VSNL1: variants seen among roughly 807,000 people sequenced by gnomAD.
VSNL1 encodes visinin like 1, also known as visinin-like protein 1.
Under a neutral mutation model 20.4 loss-of-function variants are expected in VSNL1, and 6 were observed. The observed-to-expected ratio is 0.29, with a 90% CI of 0.16 to 0.58. The LOEUF (loss-of-function observed/expected upper bound fraction) is 0.58, where lower values mean the gene tolerates loss of function less well. VSNL1 is among the 20% of genes least tolerant of loss of function. The pLI, the probability that VSNL1 is intolerant of heterozygous loss-of-function variation, is 0.90. For synonymous variants in VSNL1, 93 were observed against 86.4 expected, an observed-to-expected ratio of 1.08 and a Z score of -0.42; for missense variants, 100 against 234.5, an observed-to-expected ratio of 0.43 and a Z score of 3.75.
intron 2 of VSNL1, among the ~76,000 whole-genome samples, chr2:17,647,150 A>G (rs1666016302): frequency 6.6e-6 from 1 of 152,212 alleles, no homozygotes; most frequent in Admixed American, 6.5e-5. Flanking sequence ...TTTTAGACCT[A>G]AATTAATTTT....
chr2:17,563,563 GA>G (rs574799572), intron 1 of VSNL1, among the ~76,000 whole-genome samples: 16 of 148,756 alleles, frequency 1.1e-4, no homozygotes, highest in Middle Eastern at 3.4e-3. Context: ...AAGTCCTTTT[GA>G]AAAAAAAAAT....
At chr2:17,578,191 A>T (rs1664262104) in intron 1 of VSNL1, among the ~76,000 whole-genome samples, 1 of 152,178 alleles carries the variant, frequency 6.6e-6, no homozygotes. Context: ...TTCCCTTCCC[A>T]GCTAGTAGAT....
chr2:17,647,077 CT>C (rs1456047603), intron 2 of VSNL1, among the ~76,000 whole-genome samples: 1 of 152,150 alleles, frequency 6.6e-6, no homozygotes, highest in African/African-American at 2.4e-5. Flanking sequence ...GTATATAGAC[CT>C]TCTGCAAGAC....
intron 2 of VSNL1, among the ~76,000 whole-genome samples, chr2:17,602,747 T>C (rs1227216387): frequency 6.9e-6 from 1 of 144,094 alleles, no homozygotes; most frequent in Non-Finnish European, 1.6e-5. Flanking sequence ...CTCAAAAACA[T>C]AAATATAAAA....
chr2:17,563,696 CT>C (rs1367736429), intron 1 of VSNL1, among the ~76,000 whole-genome samples: 3 of 151,988 alleles, frequency 2.0e-5, no homozygotes, highest in African/African-American at 7.3e-5. Context: ...CACCACTGCA[CT>C]CCAGCCTGGC....
At chr2:17,646,112 A>G (rs1031622237) in intron 2 of VSNL1, among the ~76,000 whole-genome samples, 9 of 152,164 alleles carry the variant, frequency 5.9e-5, no homozygotes, top group Non-Finnish European at 5.9e-5. Context: ...TTAATGCTCT[A>G]TGTCTTTCTT....
In VSNL1 at chr2:17,649,710, TTCTC is replaced by T; in HGVS notation, c.378+91_378+94del. Reference sequence around the variant, plus strand: ...CCTAGGTGCAGGCCTTAGTGGCTTCTTCTCTCTCTGCTCGAGCCCTGCCAGCTGC... The same window carrying T: ...CCTAGGTGCAGGCCTTAGTGGCTTCTTCTCTGCTCGAGCCCTGCCAGCTGC... On this transcript the variant is annotated intron_variant, in intron 3 of 3. Transcript: ENST00000295156. The surrounding 1 kb of genome is among the most constrained non-coding windows in gnomAD (Gnocchi z 6.4). The T allele has an allele frequency of 7.7e-7, 1 of 1,305,356 alleles. No individual in the cohort carries two copies. Among genetic ancestry groups the T allele is most frequent in the Non-Finnish European group, 1.1e-6 (1 of 920,888 alleles). 80.9% of individuals were successfully genotyped at this position (1,305,356 alleles called of 1,614,324 possible).
intron 2 of VSNL1, among the ~76,000 whole-genome samples, chr2:17,596,973 A>G (rs898041756): frequency 2.6e-5 from 4 of 152,246 alleles, no homozygotes; most frequent in Admixed American, 6.5e-5. Context: ...TCTCATTTAC[A>G]CTTACACAGC....
chr2:17,628,737 T>G (rs1285007573), intron 2 of VSNL1, among the ~76,000 whole-genome samples: 1 of 152,198 alleles, frequency 6.6e-6, no homozygotes, highest in African/African-American at 2.4e-5. Flanking sequence ...TCCTTGAGTT[T>G]AAAAGGGCCA....
intron 2 of VSNL1, among the ~76,000 whole-genome samples, chr2:17,648,019 C>T (rs1666035665): frequency 6.6e-6 from 1 of 152,130 alleles, no homozygotes; most frequent in South Asian, 2.1e-4. Flanking sequence ...AAATGGGTCT[C>T]AAATGTTTAT....
intron 2 of VSNL1, among the ~76,000 whole-genome samples, chr2:17,643,894 G>A (rs1665935428): frequency 6.6e-6 from 1 of 152,150 alleles, no homozygotes; most frequent in African/African-American, 2.4e-5. Context: ...GAGTGAAAGC[G>A]GCCCCGGGAC....
rs116054806 is a variant in VSNL1 at position 17,577,858 on chromosome 2, C to G, written c.-5-14212C>G. ...TACTTTTTTGTTTCTCATCTCTAAT[C>G]TGACAGAATAGTTTACAATGGCTAA... On this transcript the variant is annotated intron_variant, in intron 1 of 3. Coordinates refer to ENST00000295156, the MANE Select transcript of VSNL1 (RefSeq NM_003385.5). Among the ~76,000 whole-genome samples the G allele has an allele frequency of 3.4e-3, 521 of 152,270 alleles. 2 individuals are homozygous for G. The highest frequency in any genetic ancestry group is 5.0e-3 in the Non-Finnish European group (341 of 68,026).
intron 1 of VSNL1, among the ~76,000 whole-genome samples, chr2:17,557,664 C>T (rs921879616): frequency 6.6e-6 from 1 of 152,152 alleles, no homozygotes; most frequent in Non-Finnish European, 1.5e-5. Context: ...CTTATTACTG[C>T]ATTTCTTTTT....
At chr2:17,627,024 T>TG (rs972687807) in intron 2 of VSNL1, among the ~76,000 whole-genome samples, 7 of 152,226 alleles carry the variant, frequency 4.6e-5, no homozygotes, top group African/African-American at 1.7e-4. Context: ...AATCTGTTCC[T>TG]GGACTATCCC....
intron 2 of VSNL1, among the ~76,000 whole-genome samples, chr2:17,647,955 A>C (rs540432366): frequency 6.6e-6 from 1 of 152,362 alleles, no homozygotes; most frequent in Non-Finnish European, 1.5e-5. Flanking sequence ...ATGAGGGAAC[A>C]TAAGAGAACA....
intron 2 of VSNL1, among the ~76,000 whole-genome samples, chr2:17,612,658 T>G (rs568225576): frequency 1.3e-5 from 2 of 152,290 alleles, no homozygotes; most frequent in South Asian, 2.1e-4. Context: ...CTCTTCTGAT[T>G]CAGTGTAAAG....
At chr2:17,550,447 C>G (rs1251752577) in intron 1 of VSNL1, among the ~76,000 whole-genome samples, 1 of 152,132 alleles carries the variant, frequency 6.6e-6, no homozygotes, top group Non-Finnish European at 1.5e-5. Context: ...GAGCCCACAG[C>G]CATTTCTCAG....
chr2:17,602,876 G>A (rs1226479155), intron 2 of VSNL1, among the ~76,000 whole-genome samples: 1 of 152,136 alleles, frequency 6.6e-6, no homozygotes, highest in African/African-American at 2.4e-5. Context: ...ATAGAATGGC[G>A]TCTAAAAGGA....
At chr2:17,604,947 G>A (rs1162233932) in intron 2 of VSNL1, among the ~76,000 whole-genome samples, 1 of 152,164 alleles carries the variant, frequency 6.6e-6, no homozygotes. Context: ...CTTGGAATAC[G>A]TGTTAAGTAA....
Sources: gnomAD v4.1 joint callset for allele counts (sites outside exome capture counted in the v4.1 genomes callset) on GRCh38, gnomAD v4.1.1 for gene constraint, Gnocchi (gnomAD v3.1) non-coding constraint, MANE v1.5 for transcripts, NCBI Gene and HGNC (gene_info 2026-07-23, HGNC 2026-07-21) for gene names.